Variants in ANKFY1 observed in about 807,000 individuals in gnomAD.
ANKFY1 encodes ankyrin repeat and FYVE domain-containing protein 1.
A neutral mutation model predicts 128.3 loss-of-function variants in ANKFY1; 47 were observed. The ratio of observed to expected loss-of-function variants is 0.37; its 90% CI spans 0.29 to 0.47. The LOEUF (loss-of-function observed/expected upper bound fraction) is 0.47, where lower values mean the gene tolerates loss of function less well. Ranked by LOEUF, ANKFY1 falls within the 20% of genes least tolerant of loss-of-function variation. The pLI, the probability that ANKFY1 is intolerant of heterozygous loss-of-function variation, is 1.00. For missense variants in ANKFY1, 1,222 were observed against 1,510.6 expected, an observed-to-expected ratio of 0.81 and a Z score of 3.17; for synonymous variants, 553 against 601.6, an observed-to-expected ratio of 0.92 and a Z score of 1.18.
chr17:4,210,393 G>A (rs1381215621), intron 4 of ANKFY1, among the ~76,000 whole-genome samples: 1 of 152,120 alleles, frequency 6.6e-6, no homozygotes, highest in African/African-American at 2.4e-5. Flanking sequence ...GAGGCTCTAT[G>A]CTCAATAATT....
In ANKFY1 at chr17:4,195,469, G is replaced by C. The variant is rs774739450; in HGVS notation, c.1106C>G (p.Thr369Ser). 2.5e-6 allele frequency: 4 copies of C among 1,614,004 alleles called. No individual in the cohort carries two copies. The highest frequency in any genetic ancestry group is 3.4e-6 in the Non-Finnish European group (4 of 1,179,934). Reference protein sequence around the residue: ...NPNMQDSKGRTPLHVSIMAGN... With the variant: ...NPNMQDSKGRSPLHVSIMAGN... ...GGCCATGATGGACACATGTAAAGGA[G>C]TCCTGCGGGATCCAAAAGAAGAGGG... Residue 369 changes from threonine to serine, a missense_variant and splice_region_variant, in exon 9 of 25, where the codon ACT becomes AGT. Transcript: ENST00000341657.
intron 3 of ANKFY1, among the ~76,000 whole-genome samples, chr17:4,220,100 C>T (rs779758144): frequency 2.0e-5 from 3 of 152,224 alleles, no homozygotes; most frequent in Admixed American, 6.5e-5. Flanking sequence ...GCTGGGATTA[C>T]AGGCGTGAGC....
At chr17:4,240,868 C>A (rs1019360096) in intron 2 of ANKFY1, among the ~76,000 whole-genome samples, 3 of 152,192 alleles carry the variant, frequency 2.0e-5, no homozygotes, top group Admixed American at 1.3e-4. Flanking sequence ...CCTAAACTGG[C>A]CCCCTCCCTG....
At chr17:4,168,312 G>A (rs779077832) in intron 24 of ANKFY1, 2 of 158,566 alleles carry the variant, frequency 1.3e-5, no homozygotes, top group Admixed American at 1.2e-4. Flanking sequence ...AAATTAGCTG[G>A]GCGTGGTGGC....
intron 3 of ANKFY1, among the ~76,000 whole-genome samples, chr17:4,217,725 C>T (rs917689563): frequency 1.3e-5 from 2 of 152,038 alleles, no homozygotes; most frequent in Non-Finnish European, 2.9e-5. Flanking sequence ...CACTACGTCA[C>T]CCAGGCTGGA....
chr17:4,207,019 TACC>T (rs2060037421), intron 6 of ANKFY1, among the ~76,000 whole-genome samples: 1 of 152,052 alleles, frequency 6.6e-6, no homozygotes, highest in Non-Finnish European at 1.5e-5. Context: ...CCTATAAACA[TACC>T]ACGTTACATG....
chr17:4,179,631 C>T, intron 17 of ANKFY1, 90 bp downstream of exon 17: 1 of 1,507,346 alleles, frequency 6.6e-7, no homozygotes, highest in Non-Finnish European at 8.9e-7. Context: ...GCGCCTGGAA[C>T]TGGGGACTGT....
intron 11 of ANKFY1, chr17:4,186,670 G>A (rs1306231269): frequency 1.9e-5 from 6 of 319,258 alleles, no homozygotes; most frequent in African/African-American, 6.8e-5. Context: ...GTGTGAGCCC[G>A]CCCAAGTATG....
In ANKFY1 at chr17:4,169,316, C is replaced by T. The variant is rs1180581039; in HGVS notation, c.3287-28G>A. 18 of 1,517,004 alleles carry T rather than the reference C, an allele frequency of 1.2e-5. No individual in the cohort carries two copies. The highest frequency in any genetic ancestry group is 8.4e-5 in the South Asian group (7 of 83,282). 94.0% of individuals were successfully genotyped at this position (1,517,004 alleles called of 1,614,324 possible). On this transcript the variant is annotated intron_variant, in intron 23 of 24. Transcript: ENST00000341657. This position sits in a 1 kb window ranked among gnomAD's most constrained non-coding sequence, Gnocchi z 5.0. ...GCAACACAGGGGGGAGGCCCGGTCC[C>T]GTCAAACCGCGACGGCGCCACGCAA...
At chr17:4,205,361 T>C (rs1457143908) in intron 7 of ANKFY1, among the ~76,000 whole-genome samples, 1 of 152,216 alleles carries the variant, frequency 6.6e-6, no homozygotes, top group East Asian at 1.9e-4. Context: ...CCAGATCCAT[T>C]TGGGACTCAT....
At position 4,197,985 on chromosome 17, in the gene ANKFY1, C is replaced by T. The variant is rs141147710; in HGVS notation, c.899-408G>A. ...TCTCTACTACAAATACAAAACTAGC[C>T]GGGCGTGGTGGTGCACGCCTGTAAT... On this transcript the variant is annotated intron_variant, in intron 7 of 24. Coordinates refer to ENST00000341657, the MANE Select transcript of ANKFY1 (RefSeq NM_001330063.2). Among the ~76,000 whole-genome samples the T allele has an allele frequency of 3.7e-3, 566 of 152,184 alleles. 4 individuals carry two copies. The highest frequency in any genetic ancestry group is 0.014 in the Middle Eastern group (4 of 294).
chr17:4,179,627 G>C (rs1347959898), intron 17 of ANKFY1, 94 bp downstream of exon 17: 8 of 1,486,078 alleles, frequency 5.4e-6, no homozygotes, highest in African/African-American at 4.2e-5. Context: ...AGCAGCGCCT[G>C]GAACTGGGGA....
intron 7 of ANKFY1, among the ~76,000 whole-genome samples, chr17:4,199,808 A>C (rs1391826429): frequency 6.6e-6 from 1 of 152,212 alleles, no homozygotes; most frequent in African/African-American, 2.4e-5. Context: ...AAGCAATTAA[A>C]TTTGTTGTAA....
At position 4,209,856 on chromosome 17, in the gene ANKFY1, T is replaced by C. The variant is rs2060094675; in HGVS notation, c.550A>G (p.Asn184Asp). ...AEELNASTLM[N>D]YCAEIIASHW... Reference sequence around the variant, plus strand: ...CTTGCAATAATTTCTGCACAGTAGTTCATCAGTGTGCTGGCATTCAGCTCC... The same window carrying C: ...CTTGCAATAATTTCTGCACAGTAGTCCATCAGTGTGCTGGCATTCAGCTCC... The change falls in exon 5 of 25, where the codon AAC becomes GAC. Residue 184 changes from asparagine (N) to aspartate (D), a missense_variant. Physicochemically the swap from Asn to Asp is conservative, Grantham distance 23. Transcript: ENST00000341657. 1.2e-6 allele frequency: 2 copies of C among 1,613,958 alleles called. No homozygotes were observed. The highest frequency in any genetic ancestry group is 1.3e-5 in the African/African-American group (1 of 75,036).
intron 7 of ANKFY1, among the ~76,000 whole-genome samples, chr17:4,198,020 T>C (rs2059858558): frequency 6.6e-6 from 1 of 151,950 alleles, no homozygotes; most frequent in South Asian, 2.1e-4. Context: ...TCCCAGCTAC[T>C]TGGGAGGCTG....
chr17:4,204,636 C>T (rs2059989836), intron 7 of ANKFY1, among the ~76,000 whole-genome samples: 1 of 152,044 alleles, frequency 6.6e-6, no homozygotes, highest in Admixed American at 6.6e-5. Context: ...TATTTAATAA[C>T]TCAAAGATGA....
At chr17:4,227,062 A>C (rs138082931) in intron 3 of ANKFY1, among the ~76,000 whole-genome samples, 5 of 152,224 alleles carry the variant, frequency 3.3e-5, no homozygotes, top group Non-Finnish European at 2.9e-5. Context: ...TACAAAATAC[A>C]TATTTTAAAA....
chr17:4,204,359 G>C (rs562880907), intron 7 of ANKFY1, among the ~76,000 whole-genome samples: 1 of 152,320 alleles, frequency 6.6e-6, no homozygotes, highest in South Asian at 2.1e-4. Context: ...GGAAGACGTA[G>C]AATGTGACTT....
At chr17:4,180,383 G>A (rs2059488512) in intron 16 of ANKFY1, 1 of 154,282 alleles carries the variant, frequency 6.5e-6, no homozygotes, top group South Asian at 2.0e-4. Flanking sequence ...GTGGCAGTGA[G>A]CCGAGATGGC....
Sources: gnomAD v4.1 joint callset for allele counts (sites outside exome capture counted in the v4.1 genomes callset) on GRCh38, gnomAD v4.1.1 for gene constraint, Gnocchi (gnomAD v3.1) non-coding constraint, MANE v1.5 for transcripts, NCBI Gene and HGNC (gene_info 2026-07-23, HGNC 2026-07-21) for gene names.